CUX1: variants seen among roughly 807,000 people sequenced by gnomAD.
The protein encoded by CUX1 is protein CASP.
A neutral mutation model predicts 158.8 loss-of-function variants in CUX1; 31 were observed. The observed-to-expected ratio is 0.20, with a 90% CI of 0.15 to 0.26. CUX1 has a LOEUF of 0.26. Among genes scored for constraint, CUX1 ranks in the 10% least tolerant of loss-of-function variants. The pLI is 1.00. For synonymous variants in CUX1, 879 were observed against 862.1 expected (o/e 1.02, Z -0.34); for missense variants, 1,589 against 2,014.6 (o/e 0.79, Z 4.04).
intron 23 of CUX1, among the ~76,000 whole-genome samples, chr7:102,247,665 A>G (rs1554537417): frequency 1.3e-5 from 2 of 152,114 alleles, no homozygotes; most frequent in Non-Finnish European, 2.9e-5. Context: ...CTCTTTAAAA[A>G]ATTTAAAAAT....
At chr7:102,190,992 C>T (rs1472868766) in intron 12 of CUX1, among the ~76,000 whole-genome samples, 4 of 152,176 alleles carry the variant, frequency 2.6e-5, no homozygotes, top group Non-Finnish European at 5.9e-5. Flanking sequence ...TTCCATTCTG[C>T]TAAGAAAAGC....
In CUX1 at chr7:102,189,842, T is replaced by C. The variant is rs782333213; in HGVS notation, c.1047T>C (p.Ala349=). 3 of 1,614,270 alleles carry C rather than the reference T, an allele frequency of 1.9e-6. No individual in the cohort carries two copies. Among genetic ancestry groups the C allele is most frequent in the Non-Finnish European group, 2.5e-6 (3 of 1,180,038 alleles). The stretch of plus-strand genomic sequence containing the variant: ...TGGAAGAAAAACTCAAAGGCCAGGC[T>C]GACTATGAAGAGGTGAAGAAAGAGC... ...KQLEEKLKGQ[A]DYEEVKKELN... The change falls in exon 12 of 24, where the codon GCT becomes GCC. Residue 349 remains alanine (A), a synonymous_variant. Coordinates refer to ENST00000292535, the MANE Select transcript of CUX1 (RefSeq NM_181552.4).
intron 9 of CUX1, among the ~76,000 whole-genome samples, chr7:102,166,111 G>A (rs1791000282): frequency 6.6e-6 from 1 of 152,204 alleles, no homozygotes; most frequent in Non-Finnish European, 1.5e-5. Context: ...TCGTGACAAT[G>A]TCCTGGACAC....
chr7:101,895,559 A>G (rs1801374346), intron 1 of CUX1, among the ~76,000 whole-genome samples: 2 of 152,212 alleles, frequency 1.3e-5, no homozygotes, highest in African/African-American at 4.8e-5. Context: ...GTGGGATGTC[A>G]GTAAGCTTTG....
At chr7:101,816,795 G>GCGGGCGGGTGGC (rs1051262632), upstream of CUX1, 6 of 192,662 alleles carry the variant, frequency 3.1e-5, no homozygotes, top group Non-Finnish European at 5.4e-5. Flanking sequence ...CTCCGGCCAG[G>GCGGGCGGGTGGC]CGGGCGGGTG....
intron 1 of CUX1, among the ~76,000 whole-genome samples, chr7:101,888,388 A>C (rs552904758): frequency 2.0e-5 from 3 of 152,320 alleles, no homozygotes; most frequent in African/African-American, 7.2e-5. Context: ...ACTGTGCTTT[A>C]TCCCATTTAA....
intron 20 of CUX1, among the ~76,000 whole-genome samples, chr7:102,211,567 C>T (rs1796529754): frequency 6.6e-6 from 1 of 150,736 alleles, no homozygotes; most frequent in South Asian, 2.1e-4. Flanking sequence ...CATCACCTGA[C>T]GTCAGGAGTT....
intron 2 of CUX1, among the ~76,000 whole-genome samples, chr7:101,941,560 C>G (rs1227186222): frequency 1.3e-5 from 2 of 152,194 alleles, no homozygotes; most frequent in Non-Finnish European, 2.9e-5. Context: ...TTTCCTCAAG[C>G]TACTGGATCT....
intron 1 of CUX1, among the ~76,000 whole-genome samples, chr7:101,877,163 G>C (rs560047615): frequency 5.5e-4 from 84 of 152,278 alleles, no homozygotes; most frequent in African/African-American, 1.9e-3. Flanking sequence ...TGAATTTCTT[G>C]TATTACTTAC....
intron 2 of CUX1, among the ~76,000 whole-genome samples, chr7:102,027,145 G>A (rs1380065891): frequency 2.0e-5 from 3 of 152,188 alleles, no homozygotes; most frequent in African/African-American, 7.2e-5. Context: ...AGCACTTTGG[G>A]AGATGAAGGT....
At chr7:102,274,871 TCCCCTCCTG>T (rs143566265) in intron 16 of CUX1, among the ~76,000 whole-genome samples, 1 of 152,278 alleles carries the variant, frequency 6.6e-6, no homozygotes, top group Non-Finnish European at 1.5e-5. Flanking sequence ...CCTCCCCAGT[TCCCCTCCTG>T]CCCCTTTGCT....
At chr7:102,076,697 C>T (rs997129318) in intron 4 of CUX1, among the ~76,000 whole-genome samples, 2 of 152,078 alleles carry the variant, frequency 1.3e-5, no homozygotes, top group Non-Finnish European at 2.9e-5. Flanking sequence ...TTCCTGCCCT[C>T]AGACTATAGA....
At chr7:101,884,662 A>C (rs956963132) in intron 1 of CUX1, among the ~76,000 whole-genome samples, 2 of 152,228 alleles carry the variant, frequency 1.3e-5, no homozygotes, top group African/African-American at 4.8e-5. Context: ...TTCATGGATT[A>C]CAGATAATTC....
chr7:101,928,018 G>T (rs1805814925), intron 2 of CUX1, among the ~76,000 whole-genome samples: 1 of 152,182 alleles, frequency 6.6e-6, no homozygotes, highest in African/African-American at 2.4e-5. Context: ...TGAGAGCCAT[G>T]TGTCGCTTCC....
intron 8 of CUX1, among the ~76,000 whole-genome samples, chr7:102,138,821 A>T (rs1156779997): frequency 1.3e-5 from 2 of 152,198 alleles, no homozygotes; most frequent in African/African-American, 4.8e-5. Flanking sequence ...AGCATATGGT[A>T]AATATTTTTT....
chr7:102,248,269 CCGAGGGTCGCT>C lies in CUX1; in HGVS notation c.3888-142_3888-132del. On this transcript the variant is annotated intron_variant, in intron 23 of 23. Transcript: ENST00000292535. This position sits in a 1 kb window ranked among gnomAD's most constrained non-coding sequence, Gnocchi z 5.8. ...CTCTGGAGAGGGGCTGCCCCGTGGCCCGAGGGTCGCTGGAGGGGCACGGAGGGGCCTCCAGG... is the reference window on the plus strand; with the variant it reads ...CTCTGGAGAGGGGCTGCCCCGTGGCCGGAGGGGCACGGAGGGGCCTCCAGG... 2.8e-6 allele frequency: 2 copies of C among 726,970 alleles called. No homozygotes were observed. The highest frequency in any genetic ancestry group is 4.2e-6 in the Non-Finnish European group (2 of 471,554). 45.0% of individuals were successfully genotyped at this position (726,970 alleles called of 1,614,324 possible).
At chr7:101,827,704 TG>T (rs1793505906) in intron 1 of CUX1, among the ~76,000 whole-genome samples, 1 of 152,208 alleles carries the variant, frequency 6.6e-6, no homozygotes, top group African/African-American at 2.4e-5. Context: ...ACATGTATTT[TG>T]TATGTTAATA....
At chr7:102,042,182 C>T (rs1822199793) in intron 3 of CUX1, among the ~76,000 whole-genome samples, 1 of 152,136 alleles carries the variant, frequency 6.6e-6, no homozygotes, top group Admixed American at 6.5e-5. Context: ...CAGTGGCTCC[C>T]AAAGCTGCTG....
intron 2 of CUX1, among the ~76,000 whole-genome samples, chr7:102,009,498 G>A (rs1817750516): frequency 6.6e-6 from 1 of 152,242 alleles, no homozygotes; most frequent in Non-Finnish European, 1.5e-5. Flanking sequence ...TTGCTATGTT[G>A]CTCAGGCTGG....
Sources: gnomAD v4.1 joint callset for allele counts (sites outside exome capture counted in the v4.1 genomes callset) on GRCh38, gnomAD v4.1.1 for gene constraint, Gnocchi (gnomAD v3.1) non-coding constraint, MANE v1.5 for transcripts, NCBI Gene and HGNC (gene_info 2026-07-23, HGNC 2026-07-21) for gene names.